The following STXBP5 variants were observed in gnomAD, a reference collection of about 807,000 sequenced individuals.
STXBP5 encodes the protein syntaxin-binding protein 5.
In STXBP5, 50 loss-of-function variants were observed where a neutral mutation model predicts 152.4. That is an observed-to-expected ratio of 0.33 (90% CI 0.26 to 0.42). The LOEUF is 0.42. Among genes scored for constraint, STXBP5 ranks in the 10% least tolerant of loss-of-function variants. The pLI is 1.00. For missense variants in STXBP5, 1,167 were observed against 1,388.6 expected, an observed-to-expected ratio of 0.84 and a Z score of 2.54; for synonymous variants, 492 against 494.7, an observed-to-expected ratio of 0.99 and a Z score of 0.07.
At chr6:147,346,112 C>G (rs1784315434) in intron 21 of STXBP5, among the ~76,000 whole-genome samples, 2 of 152,164 alleles carry the variant, frequency 1.3e-5, no homozygotes, top group Non-Finnish European at 2.9e-5. Flanking sequence ...AGATTGCATG[C>G]TTTCAGTTTG....
intron 9 of STXBP5, among the ~76,000 whole-genome samples, chr6:147,294,537 C>T (rs1351175450): frequency 2.0e-5 from 3 of 151,978 alleles, no homozygotes; most frequent in South Asian, 2.1e-4. Context: ...GTTCACTTAT[C>T]GTGCTTCCAC....
intron 21 of STXBP5, among the ~76,000 whole-genome samples, chr6:147,343,258 G>C (rs1784171333): frequency 6.6e-6 from 1 of 152,062 alleles, no homozygotes; most frequent in Admixed American, 6.6e-5. Context: ...ATTTAGGTAA[G>C]GGTTAACTTA....
chr6:147,278,824 A>G (rs976276223), intron 8 of STXBP5, among the ~76,000 whole-genome samples: 2 of 152,206 alleles, frequency 1.3e-5, no homozygotes, highest in Non-Finnish European at 2.9e-5. Context: ...TTATGGAGTC[A>G]CACAGAATAG....
intron 8 of STXBP5, among the ~76,000 whole-genome samples, chr6:147,287,764 CT>C (rs1781057161): frequency 6.6e-6 from 1 of 152,064 alleles, no homozygotes; most frequent in African/African-American, 2.4e-5. Context: ...GGAATTGGTC[CT>C]TTTGTTTCTA....
chr6:147,204,781 C>T lies in STXBP5; in HGVS notation c.150+99C>T, dbSNP rs1292770278. 1.3e-5 allele frequency: 16 copies of T among 1,231,698 alleles called. No individual in the cohort carries two copies. The highest frequency in any genetic ancestry group is 4.2e-4 in the Middle Eastern group (2 of 4,760). The allele number at this position is 1,231,698 out of a possible 1,614,324, so 76.3% of individuals were successfully genotyped here. On this transcript the variant is annotated intron_variant, in intron 1 of 27. Transcript: ENST00000321680. The surrounding 1 kb of genome is among the most constrained non-coding windows in gnomAD (Gnocchi z 4.3). Reference sequence around the variant, plus strand: ...TACATGGGAATGCAAGGGAAGAGAACGCCAATAATAATAATAATAACTCTA... The same window carrying T: ...TACATGGGAATGCAAGGGAAGAGAATGCCAATAATAATAATAATAACTCTA...
intron 7 of STXBP5, among the ~76,000 whole-genome samples, chr6:147,277,366 T>A (rs1780492856): frequency 6.6e-6 from 1 of 152,090 alleles, no homozygotes; most frequent in Non-Finnish European, 1.5e-5. Flanking sequence ...TGTATCAACT[T>A]GAGTTGAAAA....
At chr6:147,273,821 G>A (rs1298371211) in intron 7 of STXBP5, among the ~76,000 whole-genome samples, 1 of 151,886 alleles carries the variant, frequency 6.6e-6, no homozygotes, top group Non-Finnish European at 1.5e-5. Context: ...GTGTGGTGGT[G>A]GGCACCTGTA....
intron 25 of STXBP5, among the ~76,000 whole-genome samples, chr6:147,368,479 C>T (rs759415861): frequency 1.3e-4 from 20 of 152,076 alleles, no homozygotes; most frequent in Non-Finnish European, 2.5e-4. Context: ...CAGAAGAAAA[C>T]TTAAAGGACA....
intron 14 of STXBP5, 140 bp downstream of exon 14, chr6:147,314,776 A>T (rs958329342): frequency 1.7e-6 from 1 of 572,944 alleles, no homozygotes; most frequent in African/African-American, 1.9e-5. Flanking sequence ...TATTAAATAC[A>T]TGAGTTTAGA....
intron 21 of STXBP5, among the ~76,000 whole-genome samples, chr6:147,339,923 T>C (rs1349534145): frequency 6.6e-6 from 1 of 151,962 alleles, no homozygotes; most frequent in South Asian, 2.1e-4. Flanking sequence ...TTTTTGTGAA[T>C]ATATGTTGAG....
intron 2 of STXBP5, among the ~76,000 whole-genome samples, chr6:147,230,433 ATTATT>A (rs953542319): frequency 6.6e-6 from 1 of 151,842 alleles, no homozygotes; most frequent in African/African-American, 2.4e-5. Context: ...ACTGTAGTAT[ATTATT>A]ATTTAAATTA....
chr6:147,352,018 C>A, intron 21 of STXBP5: 1 of 234,214 alleles, frequency 4.3e-6, no homozygotes, highest in Non-Finnish European at 7.0e-6. Context: ...TGCACTACCA[C>A]TAACATAATA....
At chr6:147,348,793 G>A (rs1784454831) in intron 21 of STXBP5, among the ~76,000 whole-genome samples, 3 of 152,012 alleles carry the variant, frequency 2.0e-5, no homozygotes, top group Admixed American at 6.6e-5. Flanking sequence ...TGATTCATAA[G>A]TGTTCATATA....
chr6:147,240,503 G>A (rs891132413), intron 4 of STXBP5, among the ~76,000 whole-genome samples: 8 of 152,054 alleles, frequency 5.3e-5, no homozygotes, highest in African/African-American at 1.9e-4. Flanking sequence ...TACCAAAATG[G>A]AAGTACTTGA....
At chr6:147,238,672 C>T (rs1029556864) in intron 3 of STXBP5, among the ~76,000 whole-genome samples, 2 of 152,122 alleles carry the variant, frequency 1.3e-5, no homozygotes, top group African/African-American at 4.8e-5. Context: ...AACCTTCAGA[C>T]ATGGAGGTTA....
chr6:147,255,126 C>T (rs1290424156), intron 4 of STXBP5, among the ~76,000 whole-genome samples: 1 of 152,152 alleles, frequency 6.6e-6, no homozygotes, highest in Non-Finnish European at 1.5e-5. Context: ...ACCTGGAATA[C>T]CATGCAGCCG....
rs1783303430 is a variant in STXBP5, at chr6:147,327,131, T to G, written c.1935T>G (p.Val645=). 1 of 1,604,670 alleles carries G rather than the reference T, an allele frequency of 6.2e-7. No homozygotes were observed. Among genetic ancestry groups the G allele is most frequent in the Admixed American group, 1.7e-5 (1 of 57,256 alleles). ...LAVNSSYGLV[V]FGNCNGIAMV... is the part of the protein sequence containing the mutation. ...GTTATTTTCCTATTCCCAGGGTGGTTTTTGGCAATTGCAATGGCATTGCTA... is the reference window on the plus strand; with the variant it reads ...GTTATTTTCCTATTCCCAGGGTGGTGTTTGGCAATTGCAATGGCATTGCTA... Residue 645 remains valine, a synonymous_variant, in exon 18 of 28, where the codon GTT becomes GTG. Transcript: ENST00000321680.
At chr6:147,229,346 C>CT (rs35185669) in intron 2 of STXBP5, among the ~76,000 whole-genome samples, 54 of 150,236 alleles carry the variant, frequency 3.6e-4, no homozygotes, top group Non-Finnish European at 3.1e-4. Context: ...CAAGCTAATT[C>CT]TTTTTTTTTA....
chr6:147,320,579 G>GTGTGTTTGTGTT (rs1554297942), intron 16 of STXBP5, among the ~76,000 whole-genome samples: 1 of 148,958 alleles, frequency 6.7e-6, no homozygotes, highest in African/African-American at 2.5e-5. Context: ...GTGTGTGTGT[G>GTGTGTTTGTGTT]TGTGTGTGTG....
Sources: gnomAD v4.1 joint callset for allele counts (sites outside exome capture counted in the v4.1 genomes callset) on GRCh38, gnomAD v4.1.1 for gene constraint, Gnocchi (gnomAD v3.1) non-coding constraint, MANE v1.5 for transcripts, NCBI Gene and HGNC (gene_info 2026-07-23, HGNC 2026-07-21) for gene names.